Variants in HMG20B observed in about 807,000 individuals in gnomAD.
HMG20B encodes the protein SWI/SNF-related matrix-associated actin-dependent regulator of chromatin subfamily E member 1-related.
In HMG20B, 24 loss-of-function variants were observed where a neutral mutation model predicts 41.6. That is an observed-to-expected ratio of 0.58 (90% confidence interval 0.42 to 0.81). The LOEUF (loss-of-function observed/expected upper bound fraction) is 0.81, where lower values mean the gene tolerates loss of function less well. Among genes scored for constraint, HMG20B ranks in the 30% least tolerant of loss-of-function variants. The probability of loss-of-function intolerance (pLI) is 0.00; values close to 1 mark genes in which losing one functional copy is unlikely to be tolerated. For synonymous variants in HMG20B, 251 were observed against 186.6 expected (o/e 1.34, Z -2.81); for missense variants, 461 against 444.0 (o/e 1.04, Z -0.34).
At chr19:3,576,848 G>A (rs2032171634) in intron 7 of HMG20B, 44 bp from the exon 8 acceptor site, 9 of 1,544,394 alleles carry the variant, frequency 5.8e-6, no homozygotes, top group Non-Finnish European at 7.9e-6. Flanking sequence ...CGGAGGTAGG[G>A]GAAAGGGGAG....
At chr19:3,575,724 G>A in intron 5 of HMG20B, 64 bp downstream of exon 5, 1 of 1,433,544 alleles carries the variant, frequency 7.0e-7, no homozygotes. Context: ...GCCGAGGCGG[G>A]TGTATCACCT....
intron 2 of HMG20B, 71 bp downstream of exon 2, chr19:3,573,418 A>G: frequency 7.1e-7 from 1 of 1,408,576 alleles, no homozygotes; most frequent in Non-Finnish European, 9.4e-7. Flanking sequence ...TGAACCCCTG[A>G]CCCAGTCCCT....
intron 3 of HMG20B, 80 bp from the exon 4 acceptor site, chr19:3,574,303 G>A: frequency 3.2e-6 from 2 of 630,502 alleles, no homozygotes; most frequent in African/African-American, 2.0e-5. Flanking sequence ...GCCCATACGC[G>A]TTAGGCCCCG....
rs1470553450 is a variant in HMG20B at position 3,576,874 on chromosome 19, C to T, written c.593-18C>T. ...GAAAGGGGAGGCGCAGGCTTTGACC[C>T]CGCTCCCCCCGGCGCAGCGCGTGAG... On this transcript the variant is annotated intron_variant, in intron 7 of 9. Transcript: ENST00000333651. 1.9e-6 allele frequency: 3 copies of T among 1,556,198 alleles called. No homozygotes were observed. Among genetic ancestry groups the T allele is most frequent in the Admixed American group, 3.9e-5 (2 of 51,676 alleles).
At chr19:3,573,936 G>C (rs115951822) in intron 3 of HMG20B, 136 bp downstream of exon 3, 1 of 849,970 alleles carries the variant, frequency 1.2e-6, no homozygotes, top group Admixed American at 2.0e-5. Flanking sequence ...ACCCCGCCCC[G>C]TGCCAGCTGC....
At chr19:3,578,435 T>A in intron 9 of HMG20B, 74 bp from the exon 10 acceptor site, 1 of 1,456,794 alleles carries the variant, frequency 6.9e-7, no homozygotes, top group Non-Finnish European at 9.1e-7. Context: ...CCATGGTCTC[T>A]GGGGTTCCCC....
rs760702125 is a variant in HMG20B, at chr19:3,578,742, C to T, written c.*221C>T. ...AAAAGCACTCGCTGCGCGATACACC[C>T]AGAAGAACCTCACAGCCGAGGGTGC... is the stretch of plus-strand genomic sequence containing the variant. On this transcript the variant is annotated 3_prime_UTR_variant, in exon 10 of 10. Transcript: ENST00000333651. The T allele has an allele frequency of 5.2e-6, 4 of 767,318 alleles. No individual in the cohort carries two copies. The highest frequency in any genetic ancestry group is 5.1e-5 in the African/African-American group (3 of 58,912). 47.5% of individuals were successfully genotyped at this position (767,318 alleles called of 1,614,324 possible).
intron 2 of HMG20B, 103 bp from the exon 3 acceptor site, chr19:3,573,589 T>A: frequency 1.8e-6 from 2 of 1,108,376 alleles, no homozygotes; most frequent in Middle Eastern, 5.6e-4. Flanking sequence ...GCTCATGCAC[T>A]CTCGCTGCAG....
At chr19:3,578,226 A>G (rs765853637) in intron 9 of HMG20B, 113 bp downstream of exon 9, 2 of 1,433,296 alleles carry the variant, frequency 1.4e-6, no homozygotes, top group South Asian at 1.3e-5. Flanking sequence ...CTTACTAGAG[A>G]TCACCTCCCG....
At chr19:3,577,864 G>A (rs990957420) in intron 8 of HMG20B, 117 bp from the exon 9 acceptor site, 5 of 924,554 alleles carry the variant, frequency 5.4e-6, no homozygotes, top group Non-Finnish European at 7.9e-6. Flanking sequence ...CGCTGGCGGT[G>A]TCCGGACCTC....
Position 3,576,293 on chromosome 19 carries a change from C to T in HMG20B, c.505C>T (p.Leu169=), listed in dbSNP as rs767001490. 9 of 1,612,752 alleles carry T rather than the reference C, an allele frequency of 5.6e-6. No individual in the cohort carries two copies. Among genetic ancestry groups the T allele is most frequent in the Non-Finnish European group, 1.7e-6 (2 of 1,179,458 alleles). Residue 169 remains leucine (L), a synonymous_variant, in exon 6 of 10, where the codon CTG becomes TTG. Transcript: ENST00000333651. ...GAGCTCTGGGCTCATGAACACTCTC[C>T]TGAATGGACACAAGGTAAGCGACCT... The part of the protein sequence containing the change: ...DSSSGLMNTL[L]NGHKGGDCDG...
At position 3,573,684 on chromosome 19, in the gene HMG20B, G is replaced by C. The variant is rs760347857; in HGVS notation, c.39-8G>C. 6.7e-7 allele frequency: 1 copy of C among 1,499,460 alleles called. No individual in the cohort carries two copies. The highest frequency in any genetic ancestry group is 8.9e-7 in the Non-Finnish European group (1 of 1,129,364). The allele number at this position is 1,499,460 out of a possible 1,614,324, so 92.9% of individuals were successfully genotyped here. ...GGACGGGGCTGACCGCGGTATCCTT[G>C]GCTCCAGGCCGGCGGGCGGCAAGGC... On this transcript the variant is annotated splice_polypyrimidine_tract_variant and splice_region_variant and intron_variant, in intron 2 of 9. Coordinates refer to ENST00000333651, the MANE Select transcript of HMG20B (RefSeq NM_006339.3).
intron 6 of HMG20B, 83 bp downstream of exon 6, chr19:3,576,390 C>T (rs2032162884): frequency 6.8e-7 from 1 of 1,469,668 alleles, no homozygotes. Flanking sequence ...CCAGTGCTCG[C>T]CCAGATGTGT....
intron 3 of HMG20B, 199 bp downstream of exon 3, chr19:3,573,999 CAA>C: frequency 1.4e-6 from 1 of 702,054 alleles, no homozygotes; most frequent in Non-Finnish European, 2.6e-6. Context: ...GCCCACCGCA[CAA>C]TGCCAGCTCT....
At position 3,576,935 on chromosome 19, in the gene HMG20B, C is replaced by G. The variant is rs1305591086; in HGVS notation, c.636C>G (p.Ala212=). 7 of 1,584,434 alleles carry G rather than the reference C, an allele frequency of 4.4e-6. No individual in the cohort carries two copies. The Admixed American group carries it at 1.3e-4, about 29-fold the overall frequency. The change falls in exon 8 of 10, where the codon GCC becomes GCG. Residue 212 remains alanine, a synonymous_variant. Transcript: ENST00000333651. ...GGCGCTTGCGGAAGATGAATGTGGC[C>G]TTCGAGGAGCAGAACGCGGTACTGC... is the stretch of plus-strand genomic sequence containing the variant. ...ELRRLRKMNV[A]FEEQNAVLQR... is the part of the protein sequence containing the mutation.
intron 1 of HMG20B, 62 bp from the exon 2 acceptor site, chr19:3,573,230 G>C: frequency 7.2e-7 from 1 of 1,388,692 alleles, no homozygotes; most frequent in Non-Finnish European, 9.6e-7. Flanking sequence ...GGGTACCCCA[G>C]TTCGCGGTCT....
At chr19:3,577,699 G>A (rs1423080304) in intron 8 of HMG20B, among the ~76,000 whole-genome samples, 1 of 124,284 alleles carries the variant, frequency 8.0e-6, no homozygotes, top group Admixed American at 8.4e-5. Flanking sequence ...CAGCCCCCCG[G>A]TGTCATCCCC....
At chr19:3,578,451 C>T (rs770881192) in intron 9 of HMG20B, 58 bp from the exon 10 acceptor site, 17 of 1,467,494 alleles carry the variant, frequency 1.2e-5, no homozygotes, top group Non-Finnish European at 1.5e-5. Context: ...TCCCCAGGGC[C>T]GGGGTGGGGG....
rs770522224 is a variant in HMG20B, at chr19:3,574,369, G to T, written c.148-14G>T. On this transcript the variant is annotated splice_polypyrimidine_tract_variant and intron_variant, in intron 3 of 9. Coordinates refer to ENST00000333651, the MANE Select transcript of HMG20B (RefSeq NM_006339.3). ...GCCAGGCCCCCCTCCCAACGACGCA[G>T]CCCGGTTCTGCAGCCGGTGAAGAAA... The T allele has an allele frequency of 1.3e-6, 2 of 1,513,720 alleles. No individual in the cohort carries two copies. Among genetic ancestry groups the T allele is most frequent in the Non-Finnish European group, 8.9e-7 (1 of 1,124,390 alleles). The allele number at this position is 1,513,720 out of a possible 1,614,324, so 93.8% of individuals were successfully genotyped here.
Sources: allele counts gnomAD v4.1 joint callset (sites outside exome capture counted in the v4.1 genomes callset), GRCh38; gene constraint gnomAD v4.1.1; transcripts MANE v1.5; gene names NCBI Gene and HGNC (gene_info 2026-07-23, HGNC 2026-07-21).